LINC00632: variants seen among roughly 807,000 people sequenced by gnomAD.
LINC00632 encodes long independently transcribed non-coding RNA 632.
At chrX:140,769,397 G>A (rs1253403835) in intron 3 of LINC00632, among the ~76,000 whole-genome samples, 1 of 110,848 alleles carries the variant, frequency 9.0e-6, no homozygotes, top group East Asian at 2.8e-4. Flanking sequence ...CTTAGATTCT[G>A]TCTTCTATTT....
At chrX:140,723,318 CA>C (rs2148379544) in intron 2 of LINC00632, among the ~76,000 whole-genome samples, 1 of 59,846 alleles carries the variant, frequency 1.7e-5, no homozygotes, top group African/African-American at 5.9e-5. Context: ...TACACACAGA[CA>C]CACATTCCAT....
At chrX:140,734,142 C>T (rs1159094559) in intron 3 of LINC00632, among the ~76,000 whole-genome samples, 2 of 111,684 alleles carry the variant, frequency 1.8e-5, no homozygotes, top group Non-Finnish European at 3.8e-5. Flanking sequence ...CTAACTTTTC[C>T]CCCTGCCGTC....
intron 2 of LINC00632, among the ~76,000 whole-genome samples, chrX:140,732,724 C>A (rs1219388397): frequency 9.0e-6 from 1 of 110,861 alleles, no homozygotes; most frequent in Non-Finnish European, 1.9e-5. Flanking sequence ...AAAGCAGAGA[C>A]ACCTAACCAC....
At chrX:140,756,021 A>T (rs1487659210) in intron 3 of LINC00632, among the ~76,000 whole-genome samples, 1 of 111,939 alleles carries the variant, frequency 8.9e-6, no homozygotes, top group African/African-American at 3.2e-5. Flanking sequence ...TGCTTGAAAA[A>T]AAAGTAGAAT....
intron 2 of LINC00632, among the ~76,000 whole-genome samples, chrX:140,730,904 CTT>C (rs755801923): frequency 9.1e-6 from 1 of 109,989 alleles, no homozygotes; most frequent in Non-Finnish European, 1.9e-5. Flanking sequence ...TTCTTTCTTT[CTT>C]TCTTTTTTTT....
intron 2 of LINC00632, among the ~76,000 whole-genome samples, chrX:140,725,040 CACAG>C (rs201008801): frequency 0.13 from 11,536 of 90,303 alleles, 925 homozygotes; most frequent in African/African-American, 0.27. Context: ...CATACACACA[CACAG>C]AATCATTCCA....
In LINC00632 at chrX:140,771,686, T is replaced by TATATATA. The variant is rs35482755; in HGVS notation, n.192-392_192-391insATATATA. On this transcript the variant is annotated intron_variant and non_coding_transcript_variant, in intron 3 of 4. Transcript: ENST00000648200. ...GTGTGTATATATATATATATATATA[T>TATATATA]TTTTTTTTTTTGAGACGGAATCTTA... 1.0e-4 allele frequency among the ~76,000 whole-genome samples: 7 copies of TATATATA among 66,786 alleles called. 1 individual carries two copies. The highest frequency in any genetic ancestry group is 2.0e-4 in the Non-Finnish European group (7 of 35,883). The allele number at this position is 66,786 out of a possible 115,157, so 58.0% of individuals were successfully genotyped here.
At chrX:140,737,233 G>A (rs888792702) in intron 3 of LINC00632, among the ~76,000 whole-genome samples, 27 of 110,926 alleles carry the variant, frequency 2.4e-4, no homozygotes, top group Non-Finnish European at 1.3e-4. Context: ...GATATTTTAC[G>A]ATACAGTCTG....
At chrX:140,744,944 C>A (rs1931304543) in intron 3 of LINC00632, among the ~76,000 whole-genome samples, 1 of 110,261 alleles carries the variant, frequency 9.1e-6, no homozygotes, top group African/African-American at 3.3e-5. Flanking sequence ...GTTCCCAGAC[C>A]AACCAAGAGA....
chrX:140,711,641 A>C (rs1930515868), exon 2 of LINC00632: 1 of 315,346 alleles, frequency 3.2e-6, no homozygotes, highest in African/African-American at 2.7e-5. Context: ...TAGACATGGA[A>C]TTCCTGGATC....
chrX:140,762,829 A>T (rs1445894363), intron 3 of LINC00632, among the ~76,000 whole-genome samples: 1 of 112,184 alleles, frequency 8.9e-6, no homozygotes, highest in Non-Finnish European at 1.9e-5. Context: ...GCACTAAAAA[A>T]TGTAAACATT....
rs183076795 is a variant in LINC00632 at position 140,742,487 on chromosome X, G to A, written n.191+8523G>A. ...CATTGAATCCAGGGTACTCAAAAGCGGACAGAAACACTTTTATTTTTCCTG... is the reference window on the plus strand; with the variant it reads ...CATTGAATCCAGGGTACTCAAAAGCAGACAGAAACACTTTTATTTTTCCTG... On this transcript the variant is annotated intron_variant and non_coding_transcript_variant, in intron 3 of 4. Coordinates refer to ENST00000648200, the Ensembl canonical transcript of LINC00632. Among the ~76,000 whole-genome samples, 189 of 111,003 alleles carry A rather than the reference G, an allele frequency of 1.7e-3. 1 individual carries two copies. The highest frequency in any genetic ancestry group is 0.014 in the Middle Eastern group (3 of 218).
intron 3 of LINC00632, among the ~76,000 whole-genome samples, chrX:140,760,537 G>A (rs1029806738): frequency 9.0e-6 from 1 of 111,360 alleles, no homozygotes; most frequent in Non-Finnish European, 1.9e-5. Context: ...TTGGGAGGCC[G>A]AGGCGGGTGG....
chrX:140,774,154 T>C (rs1931843363), exon 4 of LINC00632, among the ~76,000 whole-genome samples: 1 of 112,072 alleles, frequency 8.9e-6, no homozygotes, highest in Admixed American at 9.5e-5. Flanking sequence ...GAGAAATATT[T>C]TGGAGATGTG....
chrX:140,783,964 C>A (rs760104879), exon 5 of LINC00632: 1 of 1,208,904 alleles, frequency 8.3e-7, no homozygotes, highest in South Asian at 1.8e-5. Context: ...CTTCCAATGG[C>A]CTCCAGGTCT....
chrX:140,759,138 A>AT (rs746349679), intron 3 of LINC00632, among the ~76,000 whole-genome samples: 6,846 of 84,870 alleles, frequency 0.081, 638 homozygotes, highest in African/African-American at 0.25. Context: ...TTAATTTTGT[A>AT]TTTTTTTTTT....
At chrX:140,755,540 C>T (rs924396249) in intron 3 of LINC00632, among the ~76,000 whole-genome samples, 1 of 112,099 alleles carries the variant, frequency 8.9e-6, no homozygotes, top group Non-Finnish European at 1.9e-5. Flanking sequence ...AGTTGCTCTA[C>T]CTATTTTCCA....
At chrX:140,760,854 G>A (rs1931584997) in intron 3 of LINC00632, among the ~76,000 whole-genome samples, 1 of 111,899 alleles carries the variant, frequency 8.9e-6, no homozygotes, top group African/African-American at 3.2e-5. Context: ...GCTCCTCCAT[G>A]TATGATATAA....
At chrX:140,758,337 AT>A (rs1192513075) in intron 3 of LINC00632, among the ~76,000 whole-genome samples, 2 of 103,421 alleles carry the variant, frequency 1.9e-5, no homozygotes, top group Non-Finnish European at 4.0e-5. Flanking sequence ...ATGTTCAGCT[AT>A]TGTGTAAAAA....
Sources: allele counts gnomAD v4.1 joint callset (sites outside exome capture counted in the v4.1 genomes callset), GRCh38; gene constraint gnomAD v4.1.1; transcripts MANE v1.5; gene names NCBI Gene and HGNC (gene_info 2026-07-23, HGNC 2026-07-21).